FNDC3A: variants seen among roughly 807,000 people sequenced by gnomAD.
The protein encoded by FNDC3A is fibronectin type-III domain-containing protein 3A.
In FNDC3A, 32 loss-of-function variants were observed where a neutral mutation model predicts 148.9. The observed-to-expected ratio is 0.21, with a 90% confidence interval of 0.16 to 0.29. The LOEUF (loss-of-function observed/expected upper bound fraction) is 0.29. Among genes scored for constraint, FNDC3A ranks in the 10% least tolerant of loss-of-function variants. The pLI is 1.00. For missense variants in FNDC3A, 1,191 were observed against 1,452.8 expected, an observed-to-expected ratio of 0.82 and a Z score of 2.93; for synonymous variants, 472 against 473.6, an observed-to-expected ratio of 1.00 and a Z score of 0.04.
At chr13:49,187,071 T>C in intron 15 of FNDC3A, 51 bp from the exon 16 acceptor site, 1 of 1,383,186 alleles carries the variant, frequency 7.2e-7, no homozygotes, top group Non-Finnish European at 1.0e-6. Context: ...TTTTTTATCA[T>C]TTTTATGTTG....
chr13:49,016,861 C>T (rs1872832323), intron 2 of FNDC3A, among the ~76,000 whole-genome samples: 2 of 151,230 alleles, frequency 1.3e-5, no homozygotes, highest in Admixed American at 6.6e-5. Context: ...CGTTATGTAC[C>T]CAGTAGTCAT....
At chr13:49,189,962 C>T (rs1885798349) in intron 17 of FNDC3A, among the ~76,000 whole-genome samples, 1 of 152,178 alleles carries the variant, frequency 6.6e-6, no homozygotes, top group Admixed American at 6.5e-5. Context: ...TCTCGGCTCA[C>T]TGCCAGCTCT....
intron 2 of FNDC3A, among the ~76,000 whole-genome samples, chr13:49,052,792 C>T (rs940936360): frequency 4.6e-5 from 7 of 152,104 alleles, no homozygotes; most frequent in African/African-American, 9.7e-5. Context: ...TGAGAGATTA[C>T]GACCATTGTC....
chr13:49,063,206 T>C (rs1877018349), intron 2 of FNDC3A, among the ~76,000 whole-genome samples: 1 of 152,212 alleles, frequency 6.6e-6, no homozygotes, highest in East Asian at 1.9e-4. Flanking sequence ...TTTGGCAATT[T>C]AGACAATGAG....
intron 7 of FNDC3A, among the ~76,000 whole-genome samples, chr13:49,141,886 T>A (rs752186923): frequency 8.6e-5 from 13 of 152,044 alleles, no homozygotes; most frequent in Non-Finnish European, 1.5e-4. Flanking sequence ...CACCTAGAAG[T>A]GGATTCAGAG....
chr13:49,076,841 G>A (rs1229293922), intron 3 of FNDC3A, among the ~76,000 whole-genome samples: 4 of 152,066 alleles, frequency 2.6e-5, no homozygotes, highest in African/African-American at 9.7e-5. Flanking sequence ...ATTTTGTATT[G>A]TTTAACATAA....
chr13:49,131,422 G>A (rs368752642), intron 5 of FNDC3A, 48 bp downstream of exon 5: 16 of 1,302,758 alleles, frequency 1.2e-5, no homozygotes, highest in Middle Eastern at 1.9e-4. Flanking sequence ...GATATTCTTC[G>A]CTTGGATATA....
intron 2 of FNDC3A, among the ~76,000 whole-genome samples, chr13:49,053,320 C>T (rs1416629800): frequency 1.3e-5 from 2 of 152,192 alleles, no homozygotes; most frequent in Non-Finnish European, 2.9e-5. Context: ...ACTGTTCTGT[C>T]TGAGTGGGAG....
chr13:49,105,648 C>T lies in FNDC3A; in HGVS notation c.176-9007C>T, dbSNP rs116671420. Among the ~76,000 whole-genome samples the T allele has an allele frequency of 2.0e-3, 309 of 152,262 alleles. 1 individual carries two copies. Among genetic ancestry groups the T allele is most frequent in the African/African-American group, 7.1e-3 (297 of 41,564 alleles). Reference sequence around the variant, plus strand: ...AACGTAACATGTCCAAATCTGAATACCTGATCATCCCCAAATACGCTTCAT... The same window carrying T: ...AACGTAACATGTCCAAATCTGAATATCTGATCATCCCCAAATACGCTTCAT... On this transcript the variant is annotated intron_variant, in intron 3 of 25. Transcript: ENST00000492622.
intron 25 of FNDC3A, among the ~76,000 whole-genome samples, chr13:49,205,707 A>G (rs1886614694): frequency 6.6e-6 from 1 of 152,162 alleles, no homozygotes; most frequent in African/African-American, 2.4e-5. Context: ...TCCCTGAAAC[A>G]TTATGCATCC....
At chr13:49,084,518 A>G (rs769894827) in intron 3 of FNDC3A, among the ~76,000 whole-genome samples, 1 of 152,226 alleles carries the variant, frequency 6.6e-6, no homozygotes, top group Non-Finnish European at 1.5e-5. Context: ...TGAGCCACAG[A>G]TATCACCTGG....
At chr13:49,111,969 A>G (rs568422892) in intron 3 of FNDC3A, among the ~76,000 whole-genome samples, 1 of 152,352 alleles carries the variant, frequency 6.6e-6, no homozygotes, top group Non-Finnish European at 1.5e-5. Context: ...AAACTATTTT[A>G]GCGGCTATCA....
At chr13:49,194,449 T>C (rs144309478) in intron 19 of FNDC3A, among the ~76,000 whole-genome samples, 1,527 of 152,352 alleles carry the variant, frequency 0.01, 32 homozygotes, top group African/African-American at 0.034. Flanking sequence ...CATTTTGCTC[T>C]GCCTTGTAAA....
chr13:49,030,038 G>T (rs1321005459), intron 2 of FNDC3A, among the ~76,000 whole-genome samples: 4 of 152,052 alleles, frequency 2.6e-5, no homozygotes, highest in African/African-American at 9.7e-5. Context: ...AAATGTTTAA[G>T]GGAGAATTAA....
chr13:49,202,156 C>G (rs1399822271), intron 24 of FNDC3A, among the ~76,000 whole-genome samples, 190 bp downstream of exon 24: 1 of 152,210 alleles, frequency 6.6e-6, no homozygotes, highest in African/African-American at 2.4e-5. Flanking sequence ...ATCTGGCACG[C>G]TCATATTCAG....
chr13:49,048,582 G>A (rs1293439084), intron 2 of FNDC3A, among the ~76,000 whole-genome samples: 1 of 152,040 alleles, frequency 6.6e-6, no homozygotes, highest in Non-Finnish European at 1.5e-5. Context: ...TGCAGCTATT[G>A]TGAAAGAAGT....
At chr13:49,109,371 T>C (rs1449688516) in intron 3 of FNDC3A, among the ~76,000 whole-genome samples, 1 of 152,216 alleles carries the variant, frequency 6.6e-6, no homozygotes, top group Non-Finnish European at 1.5e-5. Flanking sequence ...AGCAGTAAAT[T>C]GCCTTGCTAA....
At chr13:49,086,558 C>CGT (rs1464682240) in intron 3 of FNDC3A, among the ~76,000 whole-genome samples, 1 of 152,170 alleles carries the variant, frequency 6.6e-6, no homozygotes, top group Non-Finnish European at 1.5e-5. Context: ...CTTTGCATTA[C>CGT]AGCAAATCAG....
chr13:49,189,248 C>T (rs1032937945), intron 17 of FNDC3A, among the ~76,000 whole-genome samples: 7 of 151,100 alleles, frequency 4.6e-5, no homozygotes, highest in African/African-American at 1.7e-4. Flanking sequence ...GCAACCTCTG[C>T]CTCCTGGGTT....
Sources: allele counts gnomAD v4.1 joint callset (sites outside exome capture counted in the v4.1 genomes callset), GRCh38; gene constraint gnomAD v4.1.1; transcripts MANE v1.5; gene names NCBI Gene and HGNC (gene_info 2026-07-23, HGNC 2026-07-21).